Variants in NOTCH1 observed in about 807,000 individuals in gnomAD.
The protein encoded by NOTCH1 is notch receptor 1.
Under a neutral mutation model 254.8 loss-of-function variants are expected in NOTCH1, and 37 were observed. The observed-to-expected ratio is 0.15, with a 90% confidence interval of 0.11 to 0.19. NOTCH1 has a LOEUF of 0.19. Ranked by LOEUF, NOTCH1 falls within the 10% of genes least tolerant of loss-of-function variation. The pLI, the probability that NOTCH1 is intolerant of heterozygous loss-of-function variation, is 1.00. For synonymous variants in NOTCH1, 1,731 were observed against 1,618.1 expected (o/e 1.07, Z -1.68); for missense variants, 2,972 against 3,708.6 (o/e 0.80, Z 5.16).
At position 136,515,977 on chromosome 9, in the gene NOTCH1, G is replaced by C. The variant is rs1227337588; in HGVS notation, c.1669+4C>G. The C allele has an allele frequency of 3.7e-6, 6 of 1,606,172 alleles. No homozygotes were observed. Among genetic ancestry groups the C allele is most frequent in the Non-Finnish European group, 5.1e-6 (6 of 1,176,620 alleles). ...CCTCCCCGCTGGTGGGCGCCAGCCC[G>C]CACCTTCCGTGCACACACAGGTGTA... On this transcript the variant is annotated splice_donor_region_variant and intron_variant, in intron 10 of 33. Transcript: ENST00000651671.
intron 2 of NOTCH1, among the ~76,000 whole-genome samples, chr9:136,542,102 T>G (rs1843740554): frequency 6.6e-6 from 1 of 152,130 alleles, no homozygotes; most frequent in South Asian, 2.1e-4. Flanking sequence ...TGGCAGGGTT[T>G]TAACCCAGAC....
At chr9:136,533,412 CTCG>C (rs567969454) in intron 2 of NOTCH1, among the ~76,000 whole-genome samples, 321 of 152,310 alleles carry the variant, frequency 2.1e-3, no homozygotes, top group African/African-American at 7.5e-3. Flanking sequence ...TGTGTTTCCG[CTCG>C]TCAACAGCTG....
In NOTCH1 at chr9:136,517,055, G is replaced by A. The variant is rs187381702; in HGVS notation, c.1555+217C>T. 9.3e-5 allele frequency among the ~76,000 whole-genome samples: 14 copies of A among 149,974 alleles called. No individual in the cohort carries two copies. The East Asian group carries it at 2.2e-3, about 23-fold the overall frequency. On this transcript the variant is annotated intron_variant, in intron 9 of 33. Transcript: ENST00000651671. ...CAGGCCCCCCTCAGGAGGCCGGGGT[G>A]CAGACGGCCCAGGAGCAGGGGACAC...
intron 26 of NOTCH1, 58 bp downstream of exon 26, chr9:136,504,615 G>A (rs1489289395): frequency 4.0e-5 from 58 of 1,441,024 alleles, no homozygotes; most frequent in Non-Finnish European, 4.5e-5. Flanking sequence ...CAGGGAGGCC[G>A]TCGGGGAGGG....
At chr9:136,503,405 C>T (rs1843031671) in intron 26 of NOTCH1, 75 bp from the exon 27 acceptor site, 1 of 1,605,096 alleles carries the variant, frequency 6.2e-7, no homozygotes, top group Non-Finnish European at 8.5e-7. Context: ...GATGCTGCCG[C>T]AGGACACTGA....
At chr9:136,510,839 C>T (rs369307046) in intron 16 of NOTCH1, 34 bp from the exon 17 acceptor site, 20 of 1,603,498 alleles carry the variant, frequency 1.2e-5, no homozygotes, top group African/African-American at 5.3e-5. Context: ...TGGTCACCAG[C>T]GGCCCCTGGC....
chr9:136,516,780 C>T (rs571032145), intron 9 of NOTCH1, among the ~76,000 whole-genome samples: 21 of 152,162 alleles, frequency 1.4e-4, no homozygotes, highest in Non-Finnish European at 2.9e-4. Flanking sequence ...TGGGCTCCAC[C>T]GCGACCCCTG....
chr9:136,515,941 C>T (rs760506299), intron 10 of NOTCH1, 40 bp downstream of exon 10: 37 of 1,519,940 alleles, frequency 2.4e-5, no homozygotes, highest in Non-Finnish European at 3.1e-5. Flanking sequence ...TGCCCTGTCC[C>T]GTCCCCAGTC....
rs758820499 is a variant in NOTCH1 at position 136,509,970 on chromosome 9, G to T, written c.2741-9C>A. On this transcript the variant is annotated splice_polypyrimidine_tract_variant and intron_variant, in intron 17 of 33. Coordinates refer to ENST00000651671, the MANE Select transcript of NOTCH1 (RefSeq NM_017617.5). ...CCCGTTGTGACACGGGTCTGGGAGA[G>T]GACGGAAGGGTGAGTGTGAGGGGCA... 3 of 1,611,880 alleles carry T rather than the reference G, an allele frequency of 1.9e-6. No individual in the cohort carries two copies. The highest frequency in any genetic ancestry group is 2.5e-6 in the Non-Finnish European group (3 of 1,179,498).
chr9:136,500,768 C>G lies in NOTCH1; in HGVS notation c.5718G>C (p.Ala1906=), dbSNP rs369730620. ...AGATGAAGTCGGAGATGACGGCCGG[C>G]GCGTCCTCCTCTTCCTCGCTGTTGC... ...ETGNSEEEED[A]PAVISDFIYQ... Residue 1906 remains alanine, a synonymous_variant, in exon 31 of 34, where the codon GCG becomes GCC. Transcript: ENST00000651671. 1.2e-6 allele frequency: 2 copies of G among 1,603,734 alleles called. No homozygotes were observed. Among genetic ancestry groups the G allele is most frequent in the South Asian group, 1.1e-5 (1 of 91,082 alleles).
Position 136,497,411 on chromosome 9 carries a change from C to T in NOTCH1, c.6328G>A (p.Val2110Met), listed in dbSNP as rs894965666. 1.9e-6 allele frequency: 3 copies of T among 1,611,320 alleles called. No homozygotes were observed. Among genetic ancestry groups the T allele is most frequent in the East Asian group, 2.2e-5 (1 of 44,874 alleles). ...IAQERMHHDI[V>M]RLLDEYNLVR... Reference sequence around the variant, plus strand: ...AGGTTGTACTCGTCCAGCAGCCTCACGATGTCGTGATGCATGCGCTCCTGT... The same window carrying T: ...AGGTTGTACTCGTCCAGCAGCCTCATGATGTCGTGATGCATGCGCTCCTGT... The change falls in exon 34 of 34, where the codon GTG becomes ATG. Residue 2110 changes from valine (V) to methionine (M), a missense_variant. Physicochemically the swap from Val to Met is conservative, Grantham distance 21 (BLOSUM62 1). Coordinates refer to ENST00000651671, the MANE Select transcript of NOTCH1 (RefSeq NM_017617.5).
In NOTCH1 at chr9:136,522,972, C is replaced by G. The variant is rs779118023; in HGVS notation, c.620G>C (p.Arg207Pro). The change falls in exon 4 of 34, where the codon CGC (arginine) becomes CCC (proline). Residue 207 changes from arginine (R) to proline (P), a missense_variant. By Grantham distance (103) the Arg-to-Pro change is moderately radical. Transcript: ENST00000651671. ...GCAGTTGGGGCCAGTGTGGGTGGCG[C>G]GGCAGACGCAGCGGTAGGAGCCGAC... ...NEVGSYRCVC[R>P]ATHTGPNCER... 1.3e-6 allele frequency: 2 copies of G among 1,558,146 alleles called. No homozygotes were observed. The highest frequency in any genetic ancestry group is 3.9e-5 in the Admixed American group (2 of 51,886).
chr9:136,497,948 A>G (rs1589053851), intron 33 of NOTCH1, among the ~76,000 whole-genome samples: 1 of 152,226 alleles, frequency 6.6e-6, no homozygotes, highest in Non-Finnish European at 1.5e-5. Flanking sequence ...CCAGGGAGGG[A>G]GCTCGTCATC....
rs115770975 is a variant in NOTCH1 at position 136,526,019 on chromosome 9, C to T, written c.141-2040G>A. ...TGGGGAATTCACTCAGGCCTTGCTA[C>T]GGCTCCTGCCAGCCCAGTGAGCGAC... is the stretch of plus-strand genomic sequence containing the variant. On this transcript the variant is annotated intron_variant, in intron 2 of 33. Transcript: ENST00000651671. Among the ~76,000 whole-genome samples the T allele has an allele frequency of 9.3e-3, 1,411 of 152,390 alleles. 20 individuals are homozygous for T. The highest frequency in any genetic ancestry group is 0.03 in the African/African-American group (1,241 of 41,590).
At chr9:136,523,653 T>C (rs1231115432) in intron 3 of NOTCH1, 64 bp downstream of exon 3, 1 of 1,548,316 alleles carries the variant, frequency 6.5e-7, no homozygotes, top group South Asian at 1.2e-5. Flanking sequence ...GTACCTCAAG[T>C]TGCCTGGGCA....
intron 18 of NOTCH1, 57 bp from the exon 19 acceptor site, chr9:136,509,128 CAGCAGA>C: frequency 6.8e-7 from 1 of 1,469,380 alleles, no homozygotes; most frequent in Non-Finnish European, 9.3e-7. Context: ...GTCCCCGCTC[CAGCAGA>C]TTCTGCCTCG....
chr9:136,518,741 C>G lies in NOTCH1; in HGVS notation c.949G>C (p.Gly317Arg), dbSNP rs749696049. 6.2e-7 allele frequency: 1 copy of G among 1,612,936 alleles called. No homozygotes were observed. Among genetic ancestry groups the G allele is most frequent in the South Asian group, 1.1e-5 (1 of 91,086 alleles). Residue 317 changes from glycine to arginine, a missense_variant, in exon 6 of 34, where the codon GGT becomes CGT. Around this residue, in one of 8 missense-constraint regions of NOTCH1, gnomAD observed 374 missense variants for 496.3 expected, o/e 0.75. Coordinates refer to ENST00000651671, the MANE Select transcript of NOTCH1 (RefSeq NM_017617.5). ...TTGACACACACGCAGTTGTAGCCAC[C>G]GTGGGTGTTGTGGCAGGTCCCGCCG... is the stretch of plus-strand genomic sequence containing the variant. ...QNGGTCHNTH[G>R]GYNCVCVNGW...
At chr9:136,509,586 C>T in intron 18 of NOTCH1, 147 bp downstream of exon 18, 3 of 744,492 alleles carry the variant, frequency 4.0e-6, no homozygotes, top group East Asian at 2.7e-5. Flanking sequence ...CAGGTCGGTA[C>T]AATGAACAAT....
At chr9:136,520,072 G>A (rs1843342316) in intron 4 of NOTCH1, among the ~76,000 whole-genome samples, 2 of 152,180 alleles carry the variant, frequency 1.3e-5, no homozygotes, top group African/African-American at 2.4e-5. Context: ...GAGCTCTGGT[G>A]CCCACCTCCT....
Sources: allele counts gnomAD v4.1 joint callset (sites outside exome capture counted in the v4.1 genomes callset), GRCh38; gene constraint gnomAD v4.1.1; regional missense constraint gnomAD v4.1.1; transcripts MANE v1.5; gene names NCBI Gene and HGNC (gene_info 2026-07-23, HGNC 2026-07-21).